PRPF38A: variants seen among roughly 807,000 people sequenced by gnomAD.
PRPF38A encodes the protein pre-mRNA processing factor 38A.
Under a neutral mutation model 46.8 loss-of-function variants are expected in PRPF38A, and 11 were observed. That is an observed-to-expected ratio of 0.24 (90% CI 0.15 to 0.39). The LOEUF (loss-of-function observed/expected upper bound fraction) is 0.39. Among genes scored for constraint, PRPF38A ranks in the 10% least tolerant of loss-of-function variants. PRPF38A has a pLI of 1.00. For missense variants in PRPF38A, 261 were observed against 407.5 expected, an observed-to-expected ratio of 0.64 and a Z score of 3.10; for synonymous variants, 124 against 136.2, an observed-to-expected ratio of 0.91 and a Z score of 0.62.
At position 52,417,728 on chromosome 1, in the gene PRPF38A, C is replaced by T. The variant is rs1203363663; in HGVS notation, c.*1038C>T. 6.6e-6 allele frequency: 1 copy of T among 152,078 alleles called. No individual in the cohort carries two copies. The highest frequency in any genetic ancestry group is 1.5e-5 in the Non-Finnish European group (1 of 68,018). 9.4% of individuals were successfully genotyped at this position (152,078 alleles called of 1,614,324 possible). Reference sequence around the variant, plus strand: ...GTAATGGTGGAATCTGTCAATAAGACTTCCCAGAGTGTTAATATATATCAG... The same window carrying T: ...GTAATGGTGGAATCTGTCAATAAGATTTCCCAGAGTGTTAATATATATCAG... On this transcript the variant is annotated 3_prime_UTR_variant, in exon 10 of 10. Coordinates refer to ENST00000257181, the MANE Select transcript of PRPF38A (RefSeq NM_032864.4).
intron 2 of PRPF38A, among the ~76,000 whole-genome samples, chr1:52,406,543 A>T (rs1346792169): frequency 6.6e-6 from 1 of 152,178 alleles, no homozygotes; most frequent in East Asian, 1.9e-4. Context: ...TGGAGAGGTT[A>T]CTTAATTTTC....
chr1:52,408,269 T>C (rs1187816047), intron 2 of PRPF38A: 5 of 457,132 alleles, frequency 1.1e-5, no homozygotes, highest in Non-Finnish European at 2.1e-5. Context: ...AGTATTTCTT[T>C]TGATTCTTAG....
Position 52,413,937 on chromosome 1 carries a change from C to A in PRPF38A, c.668C>A (p.Pro223His), listed in dbSNP as rs762164103. The change falls in exon 6 of 10, where the codon CCC becomes CAC. Residue 223 changes from proline (P) to histidine (H), a missense_variant. By Grantham distance (77) the Pro-to-His change is moderately conservative. Transcript: ENST00000257181. ...RRRSYRDLDK[P>H]RRSPTLRYRR... Reference sequence around the variant, plus strand: ...AGAAGCTACCGAGACTTGGACAAGCCCCGTCGCTCTCCCACACTGCGCTAC... The same window carrying A: ...AGAAGCTACCGAGACTTGGACAAGCACCGTCGCTCTCCCACACTGCGCTAC... 1 of 1,614,058 alleles carries A rather than the reference C, an allele frequency of 6.2e-7. No individual in the cohort carries two copies. Among genetic ancestry groups the A allele is most frequent in the South Asian group, 1.1e-5 (1 of 91,078 alleles).
In PRPF38A at chr1:52,419,240, C is replaced by CAGTT. The variant is rs1491529336; in HGVS notation, c.*2552_*2555dup. On this transcript the variant is annotated 3_prime_UTR_variant, in exon 10 of 10. Transcript: ENST00000257181. The stretch of plus-strand genomic sequence containing the variant: ...GCATGGTGGCGCATGCCTGTAATCC[C>CAGTT]AGTTACTTGGGAGGCTGAGGCAGGA... 1 of 152,206 alleles carries CAGTT rather than the reference C, an allele frequency of 6.6e-6. No individual in the cohort carries two copies. The highest frequency in any genetic ancestry group is 2.4e-5 in the African/African-American group (1 of 41,348). The allele number at this position is 152,206 out of a possible 1,614,324, so 9.4% of individuals were successfully genotyped here.
chr1:52,407,906 T>A lies in PRPF38A; in HGVS notation c.291-663T>A, dbSNP rs1047913412. Among the ~76,000 whole-genome samples, 14 of 152,198 alleles carry A rather than the reference T, an allele frequency of 9.2e-5. 1 individual carries two copies. Among genetic ancestry groups the A allele is most frequent in the African/African-American group, 3.1e-4 (13 of 41,442 alleles). Reference sequence around the variant, plus strand: ...CCGGTCCCTACTAAAAATACAAAAATTAGGCTGGGTGTGTTGGCACATGCC... The same window carrying A: ...CCGGTCCCTACTAAAAATACAAAAAATAGGCTGGGTGTGTTGGCACATGCC... On this transcript the variant is annotated intron_variant, in intron 2 of 9. Transcript: ENST00000257181.
At chr1:52,416,044 A>G (rs766282613) in intron 9 of PRPF38A, among the ~76,000 whole-genome samples, 22 of 151,510 alleles carry the variant, frequency 1.5e-4, no homozygotes, top group Admixed American at 2.6e-4. Context: ...GGGTTTCACC[A>G]TTTTAGCCAG....
intron 2 of PRPF38A, among the ~76,000 whole-genome samples, chr1:52,407,745 A>G (rs1233228529): frequency 2.0e-5 from 3 of 151,634 alleles, no homozygotes; most frequent in African/African-American, 7.3e-5. Flanking sequence ...ACATGGGGAA[A>G]CCCCGTCTCT....
At chr1:52,413,813 A>G in intron 5 of PRPF38A, 66 bp from the exon 6 acceptor site, 2 of 1,036,738 alleles carry the variant, frequency 1.9e-6, no homozygotes, top group Non-Finnish European at 1.5e-6. Context: ...GTGAAGTATA[A>G]TTAGTGTTCC....
chr1:52,413,680 TTTGGCTGTCTTATATAGCTCATAA>T (rs1215742837), intron 5 of PRPF38A, among the ~76,000 whole-genome samples, 175 bp from the exon 6 acceptor site: 3 of 152,108 alleles, frequency 2.0e-5, no homozygotes, highest in Non-Finnish European at 4.4e-5. Context: ...TATGAGTCAT[TTTGGCTGTCTTATATAGCTCATAA>T]TAAGTTTTGT....
intron 2 of PRPF38A, among the ~76,000 whole-genome samples, chr1:52,407,299 A>G (rs1213991818): frequency 1.3e-5 from 2 of 152,212 alleles, no homozygotes; most frequent in African/African-American, 4.8e-5. Flanking sequence ...TAGAGGCGTG[A>G]GCCACCGCCC....
rs369730220 is a variant in PRPF38A, at chr1:52,415,487, C to T, written c.896+101C>T. Reference sequence around the variant, plus strand: ...TTTGTTGGGGGATGTTAGGAATTCTCCTGCATTACAAGACAAAATTGGTCT... The same window carrying T: ...TTTGTTGGGGGATGTTAGGAATTCTTCTGCATTACAAGACAAAATTGGTCT... On this transcript the variant is annotated intron_variant, in intron 9 of 9. Coordinates refer to ENST00000257181, the MANE Select transcript of PRPF38A (RefSeq NM_032864.4). 23 of 970,878 alleles carry T rather than the reference C, an allele frequency of 2.4e-5. No individual in the cohort carries two copies. In the African/African-American group the frequency reaches 3.3e-4, roughly 14 times the overall value. 60.1% of individuals were successfully genotyped at this position (970,878 alleles called of 1,614,324 possible). A position where few individuals can be genotyped will look rare whatever the true frequency, so the allele number is the denominator to read the frequency against.
intron 3 of PRPF38A, among the ~76,000 whole-genome samples, chr1:52,410,112 AATC>A (rs1250576617): frequency 2.0e-5 from 3 of 148,264 alleles, no homozygotes; most frequent in African/African-American, 4.9e-5. Flanking sequence ...AAATATACAT[AATC>A]ATATATAATT....
chr1:52,408,840 TG>T (rs1423089787), intron 3 of PRPF38A, 150 bp downstream of exon 3: 8 of 978,048 alleles, frequency 8.2e-6, no homozygotes, highest in Non-Finnish European at 1.2e-5. Context: ...TTGTCCCTCA[TG>T]GGAGTTTTCA....
chr1:52,414,691 G>C, intron 7 of PRPF38A, 44 bp downstream of exon 7: 1 of 1,613,620 alleles, frequency 6.2e-7, no homozygotes, highest in East Asian at 2.2e-5. Flanking sequence ...GCTTTGGGGA[G>C]GGGGTGGTGG....
intron 6 of PRPF38A, 73 bp downstream of exon 6, chr1:52,414,064 G>C: frequency 1.1e-6 from 1 of 941,218 alleles, no homozygotes; most frequent in Non-Finnish European, 1.7e-6. Context: ...TTTTAGAGAA[G>C]GAAAAATGCA....
At chr1:52,414,535 C>T (rs547098672) in intron 6 of PRPF38A, 86 bp from the exon 7 acceptor site, 31 of 1,369,122 alleles carry the variant, frequency 2.3e-5, no homozygotes, top group South Asian at 1.9e-4. Context: ...TACAGAGAAG[C>T]GTGAAGGATA....
intron 7 of PRPF38A, 30 bp downstream of exon 7, chr1:52,414,677 T>G (rs772146161): frequency 5.6e-6 from 9 of 1,613,878 alleles, no homozygotes; most frequent in African/African-American, 2.7e-5. Flanking sequence ...TGATGAAGGA[T>G]AGGGCTTTGG....
chr1:52,414,704 T>G, intron 7 of PRPF38A, 57 bp downstream of exon 7: 2 of 1,613,360 alleles, frequency 1.2e-6, no homozygotes, highest in South Asian at 2.2e-5. Flanking sequence ...GGTGGTGGTA[T>G]TGGTGTTATA....
Position 52,414,836 on chromosome 1 carries a change from A to T in PRPF38A, c.824A>T (p.His275Leu). ...RHRSRSRDRR[H>L]RSRSKSPGHH... ...CGCAGCAGGTCCCGAGATCGGCGGC[A>T]CAGATCCCGTTCCAAGTCCCCAGGT... The change falls in exon 8 of 10, where the codon CAC (histidine) becomes CTC (leucine). Residue 275 changes from histidine (H) to leucine (L), a missense_variant. Physicochemically the swap from His to Leu is moderately conservative, Grantham distance 99 (BLOSUM62 -3). Coordinates refer to ENST00000257181, the MANE Select transcript of PRPF38A (RefSeq NM_032864.4). 2 of 1,614,178 alleles carry T rather than the reference A, an allele frequency of 1.2e-6. No homozygotes were observed. Among genetic ancestry groups the T allele is most frequent in the Non-Finnish European group, 1.7e-6 (2 of 1,179,996 alleles).
Sources: allele counts gnomAD v4.1 joint callset (sites outside exome capture counted in the v4.1 genomes callset), GRCh38; gene constraint gnomAD v4.1.1; transcripts MANE v1.5; gene names NCBI Gene and HGNC (gene_info 2026-07-23, HGNC 2026-07-21).